The following PDE1C variants were observed in gnomAD, a reference collection of about 807,000 sequenced individuals.
The protein encoded by PDE1C is dual specificity calcium/calmodulin-dependent 3',5'-cyclic nucleotide phosphodiesterase 1C.
In PDE1C, 62 loss-of-function variants were observed where a neutral mutation model predicts 93.1. The observed-to-expected ratio is 0.67, with a 90% CI of 0.54 to 0.82. The LOEUF (loss-of-function observed/expected upper bound fraction) is 0.82, where lower values mean the gene tolerates loss of function less well. Among genes scored for constraint, PDE1C ranks in the 40% least tolerant of loss-of-function variants. The pLI is 0.00. For synonymous variants in PDE1C, 325 were observed against 310.1 expected (o/e 1.05, Z -0.50); for missense variants, 742 against 884.6 (o/e 0.84, Z 2.04).
intron 1 of PDE1C, among the ~76,000 whole-genome samples, chr7:32,341,563 T>C (rs1350201015): frequency 6.6e-6 from 1 of 152,116 alleles, no homozygotes; most frequent in Non-Finnish European, 1.5e-5. Context: ...CAACAGGCTA[T>C]TGTTGCTACT....
the PDE1C span, chr7:31,643,473 T>C: frequency 1.2e-6 from 2 of 1,613,894 alleles, no homozygotes; most frequent in South Asian, 1.1e-5. Flanking sequence ...TTCCTCTAAA[T>C]ACTGGCAGCT....
intron 2 of PDE1C, among the ~76,000 whole-genome samples, chr7:31,921,170 T>G (rs959503370): frequency 9.2e-5 from 14 of 152,332 alleles, no homozygotes; most frequent in African/African-American, 3.4e-4. Flanking sequence ...AAGTACACTT[T>G]CTATCCATTC....
intron 5 of PDE1C, among the ~76,000 whole-genome samples, chr7:31,877,178 C>T (rs915006348): frequency 4.6e-5 from 7 of 152,166 alleles, no homozygotes; most frequent in Admixed American, 1.3e-4. Flanking sequence ...TGATCTTGGG[C>T]TACAGGATCA....
At position 32,105,528 on chromosome 7, in the gene PDE1C, A is replaced by G. The variant is rs180885130; in HGVS notation, c.308+64257T>C. ...AAGGTTTAGTCTTTGTGGATGATAA[A>G]GTAGAACATCTCTGGAGGGAGAAGG... On this transcript the variant is annotated intron_variant, in intron 3 of 18. Transcript: ENST00000396193. Among the ~76,000 whole-genome samples the G allele has an allele frequency of 2.0e-5, 3 of 152,270 alleles. No individual in the cohort carries two copies. The East Asian group carries it at 5.8e-4, about 29-fold the overall frequency.
At position 31,985,058 on chromosome 7, in the gene PDE1C, G is replaced by A. The variant is rs554230742; in HGVS notation, c.128+66496C>T. On this transcript the variant is annotated intron_variant, in intron 2 of 17. Coordinates refer to ENST00000396191, the MANE Select transcript of PDE1C (RefSeq NM_001191057.4). ...TAAGGAAATAATTATAAAAATTGAC[G>A]CCTAAAGAACAAACCCTGGGAATCT... Among the ~76,000 whole-genome samples, 61 of 152,148 alleles carry A rather than the reference G, an allele frequency of 4.0e-4. No homozygotes were observed. The Middle Eastern group carries it at 0.01, about 25-fold the overall frequency.
At chr7:32,347,094 A>G (rs1585119638) in intron 1 of PDE1C, among the ~76,000 whole-genome samples, 1 of 152,344 alleles carries the variant, frequency 6.6e-6, no homozygotes, top group Middle Eastern at 3.4e-3. Flanking sequence ...CACCTCAATG[A>G]AGTTGTTTTA....
intron 1 of PDE1C, among the ~76,000 whole-genome samples, chr7:32,292,608 A>T (rs1812404847): frequency 6.6e-6 from 1 of 152,148 alleles, no homozygotes; most frequent in South Asian, 2.1e-4. Flanking sequence ...AACATTAGCC[A>T]TGAAATGCCA....
chr7:32,344,387 T>C (rs1226819645), intron 1 of PDE1C, among the ~76,000 whole-genome samples: 2 of 152,192 alleles, frequency 1.3e-5, no homozygotes, highest in Non-Finnish European at 2.9e-5. Flanking sequence ...GTATATTTTA[T>C]ATGAGAACTA....
intron 1 of PDE1C, among the ~76,000 whole-genome samples, chr7:32,235,884 C>A (rs959229795): frequency 3.3e-5 from 5 of 152,070 alleles, no homozygotes; most frequent in Non-Finnish European, 5.9e-5. Context: ...GCTCATACTA[C>A]CTTATTTTAA....
chr7:32,230,951 A>G (rs558751547), intron 1 of PDE1C, among the ~76,000 whole-genome samples: 3 of 152,288 alleles, frequency 2.0e-5, no homozygotes, highest in East Asian at 1.9e-4. Context: ...CAATTTTTAT[A>G]AAGTAGAAAG....
chr7:32,314,085 A>T (rs1355302660), intron 1 of PDE1C, among the ~76,000 whole-genome samples: 1 of 151,932 alleles, frequency 6.6e-6, no homozygotes, highest in Non-Finnish European at 1.5e-5. Context: ...AAATAAATAA[A>T]GTGGGCCCAC....
intron 1 of PDE1C, among the ~76,000 whole-genome samples, chr7:32,251,845 C>T (rs1392604780): frequency 2.6e-5 from 4 of 152,176 alleles, no homozygotes; most frequent in Admixed American, 2.6e-4. Context: ...CAAAGGTTGG[C>T]CATGGCCATC....
rs145817180 is a variant in PDE1C, at chr7:32,141,379, G to A, written c.308+28406C>T. On this transcript the variant is annotated intron_variant, in intron 3 of 18. Transcript: ENST00000396193. The stretch of plus-strand genomic sequence containing the variant: ...AAAAAGAGCATGGAAAGGGGAATAC[G>A]GTAACTTTAAAGTAGAGAAATTTGG... Among the ~76,000 whole-genome samples, 356 of 152,266 alleles carry A rather than the reference G, an allele frequency of 2.3e-3. 1 individual carries two copies. The highest frequency in any genetic ancestry group is 7.9e-3 in the African/African-American group (328 of 41,548).
chr7:31,878,965 G>C (rs780058576), intron 4 of PDE1C, 31 bp downstream of exon 4: 1 of 1,590,528 alleles, frequency 6.3e-7, no homozygotes, highest in Admixed American at 1.7e-5. Context: ...GGCTGCTTTA[G>C]TCACTAAATG....
intron 3 of PDE1C, among the ~76,000 whole-genome samples, chr7:32,098,786 C>T (rs1797902896): frequency 6.6e-6 from 1 of 152,222 alleles, no homozygotes. Flanking sequence ...TCCCCATCAT[C>T]TCTCTTCTAT....
At chr7:32,308,017 G>A (rs1585100263) in intron 1 of PDE1C, among the ~76,000 whole-genome samples, 4 of 152,332 alleles carry the variant, frequency 2.6e-5, no homozygotes, top group Admixed American at 2.6e-4. Context: ...GGAAAATCCG[G>A]TCACTCCCAC....
At chr7:31,862,949 T>C (rs1237640524) in intron 7 of PDE1C, among the ~76,000 whole-genome samples, 1 of 152,188 alleles carries the variant, frequency 6.6e-6, no homozygotes, top group Admixed American at 6.6e-5. Context: ...TACAAAATTG[T>C]CTTTTCTAAG....
the PDE1C span, among the ~76,000 whole-genome samples, chr7:31,631,508 T>G: frequency 6.6e-6 from 1 of 152,230 alleles, no homozygotes; most frequent in South Asian, 2.1e-4. Flanking sequence ...TTTTTATTTT[T>G]CCAAATTTTC....
intron 2 of PDE1C, among the ~76,000 whole-genome samples, chr7:31,974,621 G>T (rs940425974): frequency 6.6e-6 from 1 of 152,072 alleles, no homozygotes; most frequent in Non-Finnish European, 1.5e-5. Flanking sequence ...TAACCTTAAT[G>T]GATAAAAGGC....
Sources: allele counts gnomAD v4.1 joint callset (sites outside exome capture counted in the v4.1 genomes callset), GRCh38; gene constraint gnomAD v4.1.1; transcripts MANE v1.5; gene names NCBI Gene and HGNC (gene_info 2026-07-23, HGNC 2026-07-21).